SCAF8: variants seen among roughly 807,000 people sequenced by gnomAD.
The protein encoded by SCAF8 is SR-related CTD associated factor 8, also known as SR-related and CTD-associated factor 8.
Under a neutral mutation model 140.5 loss-of-function variants are expected in SCAF8, and 23 were observed. The ratio of observed to expected loss-of-function variants is 0.16; its 90% confidence interval spans 0.12 to 0.23. SCAF8 has a LOEUF of 0.23. Among genes scored for constraint, SCAF8 ranks in the 10% least tolerant of loss-of-function variants. The pLI is 1.00. For missense variants in SCAF8, 1,397 were observed against 1,555.7 expected, an observed-to-expected ratio of 0.90 and a Z score of 1.72; for synonymous variants, 575 against 528.9, an observed-to-expected ratio of 1.09 and a Z score of -1.20.
At chr6:154,796,879 G>A (rs1777623502) in intron 6 of SCAF8, among the ~76,000 whole-genome samples, 1 of 152,016 alleles carries the variant, frequency 6.6e-6, no homozygotes, top group Non-Finnish European at 1.5e-5. Context: ...GGCTGAGGCA[G>A]GAGAATCGCT....
rs995287655 is a variant in SCAF8, at chr6:154,792,916, C to T, written c.415C>T (p.Pro139Ser). The stretch of plus-strand genomic sequence containing the variant: ...CCTTTTGGATATGGCAGCCGGGATT[C>T]CGCCTCCAGTTGTCACACCTGTTTT... ...QPLLDMAAGI[P>S]PPVVTPVLAS... Residue 139 changes from proline (P) to serine (S), a missense_variant, in exon 5 of 20, where the codon CCG becomes TCG. Transcript: ENST00000367178. 1 of 1,613,858 alleles carries T rather than the reference C, an allele frequency of 6.2e-7. No homozygotes were observed. The highest frequency in any genetic ancestry group is 1.7e-5 in the Admixed American group (1 of 59,990).
In SCAF8 at chr6:154,832,496, G is replaced by C. The variant is rs1288483133; in HGVS notation, c.2917G>C (p.Gly973Arg). ...ACCACCCCGTGGACCTTTTCCTCCA[G>C]GAGATATTTTTAGTCAACCAGAAAG... ...HPPPRGPFPPGDIFSQPERPF... is the reference protein window; with the variant it reads ...HPPPRGPFPPRDIFSQPERPF... The change falls in exon 20 of 20, where the codon GGA becomes CGA. Residue 973 changes from glycine (G) to arginine (R), a missense_variant. Around this residue, in one of 5 missense-constraint regions of SCAF8, gnomAD observed 930 missense variants for 874.6 expected, o/e 1.06. Transcript: ENST00000367178. The C allele has an allele frequency of 6.2e-7, 1 of 1,613,866 alleles. No homozygotes were observed. Among genetic ancestry groups the C allele is most frequent in the Admixed American group, 1.7e-5 (1 of 59,956 alleles).
At chr6:154,760,284 ACT>A (rs1583010065) in intron 1 of SCAF8, among the ~76,000 whole-genome samples, 1 of 152,034 alleles carries the variant, frequency 6.6e-6, no homozygotes. Flanking sequence ...ACAGAGCAAG[ACT>A]CTGTCTCTAA....
At chr6:154,736,552 G>A (rs555687689) in intron 1 of SCAF8, among the ~76,000 whole-genome samples, 2 of 152,132 alleles carry the variant, frequency 1.3e-5, no homozygotes, top group South Asian at 2.1e-4. Context: ...GATTACAGGC[G>A]TGAGCCACTG....
intron 16 of SCAF8, among the ~76,000 whole-genome samples, chr6:154,823,950 A>G (rs540844767): frequency 6.6e-6 from 1 of 152,336 alleles, no homozygotes; most frequent in African/African-American, 2.4e-5. Context: ...ATGGCAGTTT[A>G]AAATGGAGCA....
In SCAF8 at chr6:154,795,064, G is replaced by A. The variant is rs756859631; in HGVS notation, c.531G>A (p.Pro177=). The A allele has an allele frequency of 9.9e-5, 160 of 1,613,192 alleles. No homozygotes were observed. The highest frequency in any genetic ancestry group is 1.6e-4 in the Middle Eastern group (1 of 6,080). Residue 177 remains proline, a synonymous_variant, in exon 6 of 20, where the codon CCG becomes CCA. Transcript: ENST00000367178. ...PANVVQGLPD[P]WVSQITNTDT... is the part of the protein sequence containing the mutation. The stretch of plus-strand genomic sequence containing the variant: ...ATGTGGTCCAAGGCTTACCTGATCC[G>A]TGGGTATCTCAGATAACAAATACAG...
rs1778813898 is a variant in SCAF8 at position 154,833,511 on chromosome 6, T to C, written c.*116T>C. The C allele has an allele frequency of 1.1e-6, 1 of 919,854 alleles. No homozygotes were observed. The highest frequency in any genetic ancestry group is 1.6e-6 in the Non-Finnish European group (1 of 610,350). 57.0% of individuals were successfully genotyped at this position (919,854 alleles called of 1,614,324 possible). On this transcript the variant is annotated 3_prime_UTR_variant, in exon 20 of 20. Transcript: ENST00000367178. ...GTCTGCCAGAATTAAGTTAATCTGA[T>C]GTTCATGTTCACCTTTCTCTTAAAA...
At chr6:154,780,488 A>G (rs1373354435) in intron 3 of SCAF8, among the ~76,000 whole-genome samples, 2 of 151,654 alleles carry the variant, frequency 1.3e-5, no homozygotes, top group African/African-American at 4.9e-5. Context: ...AGCCCCACAT[A>G]CATTAGCTAT....
chr6:154,823,603 A>T (rs1383178441), intron 16 of SCAF8, among the ~76,000 whole-genome samples: 6 of 152,246 alleles, frequency 3.9e-5, no homozygotes, highest in Admixed American at 2.6e-4. Context: ...AATTGGAAAG[A>T]TAGAGTTACC....
chr6:154,740,602 ATTTTCTTTTTCT>A lies in SCAF8; in HGVS notation c.30+6689_30+6700del, dbSNP rs771817630. Among the ~76,000 whole-genome samples the A allele has an allele frequency of 7.0e-4, 102 of 146,612 alleles. 5 individuals are homozygous for A. In the South Asian group the frequency reaches 0.017, roughly 25 times the overall value. ...TATACAGTATATATGTGAAGTAAAG[ATTTTCTTTTTCT>A]TTTTCTTTTTCTTTTTTTTTTTTTT... On this transcript the variant is annotated intron_variant, in intron 1 of 19. Coordinates refer to ENST00000367178, the MANE Select transcript of SCAF8 (RefSeq NM_014892.5).
chr6:154,789,509 T>A (rs890162166), intron 4 of SCAF8, among the ~76,000 whole-genome samples: 6 of 152,020 alleles, frequency 3.9e-5, no homozygotes, highest in African/African-American at 1.4e-4. Flanking sequence ...ACCTTAGTAC[T>A]TTAATAATTC....
At chr6:154,806,608 G>C (rs1487736840) in intron 9 of SCAF8, among the ~76,000 whole-genome samples, 2 of 152,140 alleles carry the variant, frequency 1.3e-5, no homozygotes, top group Admixed American at 6.6e-5. Flanking sequence ...GAGCATGGAG[G>C]GGGGAACAGT....
In SCAF8 at chr6:154,783,310, T is replaced by C. The variant is rs138761546; in HGVS notation, c.160-4551T>C. 7.3e-4 allele frequency among the ~76,000 whole-genome samples: 111 copies of C among 152,178 alleles called. No homozygotes were observed. The East Asian group carries it at 0.015, about 20-fold the overall frequency. The stretch of plus-strand genomic sequence containing the variant: ...GATCGAATATTATCATTCAGAACTA[T>C]TTATTTTGATAAAATCTAGATGCTT... On this transcript the variant is annotated intron_variant, in intron 3 of 19. Coordinates refer to ENST00000367178, the MANE Select transcript of SCAF8 (RefSeq NM_014892.5).
chr6:154,753,984 C>T lies in SCAF8; in HGVS notation c.31-20005C>T, dbSNP rs369205168. ...TCCCAAAGTGTTGGAATTATAGGCG[C>T]GAGCCACTGTGCCTGGTCTCCATAT... On this transcript the variant is annotated intron_variant, in intron 1 of 19. Coordinates refer to ENST00000367178, the MANE Select transcript of SCAF8 (RefSeq NM_014892.5). Among the ~76,000 whole-genome samples the T allele has an allele frequency of 3.9e-3, 596 of 152,056 alleles. 2 individuals are homozygous for T. Among genetic ancestry groups the T allele is most frequent in the Admixed American group, 8.2e-3 (125 of 15,298 alleles).
At chr6:154,826,029 T>C (rs1003338285) in intron 17 of SCAF8, among the ~76,000 whole-genome samples, 4 of 152,080 alleles carry the variant, frequency 2.6e-5, no homozygotes, top group Non-Finnish European at 5.9e-5. Flanking sequence ...GTATGTTGAC[T>C]TCTGTAACTT....
intron 1 of SCAF8, among the ~76,000 whole-genome samples, chr6:154,768,247 T>A (rs899531751): frequency 6.6e-6 from 1 of 152,218 alleles, no homozygotes; most frequent in African/African-American, 2.4e-5. Flanking sequence ...AGCGCTTTTC[T>A]TTTAATGTCA....
At chr6:154,809,041 A>T (rs938637018) in intron 11 of SCAF8, among the ~76,000 whole-genome samples, 26 of 152,146 alleles carry the variant, frequency 1.7e-4, no homozygotes, top group African/African-American at 4.6e-4. Context: ...ATTTTGAATT[A>T]TATTTTATTT....
chr6:154,794,865 A>ATT, intron 5 of SCAF8, 144 bp from the exon 6 acceptor site: 1 of 572,142 alleles, frequency 1.7e-6, no homozygotes, highest in Non-Finnish European at 2.8e-6. Context: ...ATTTTAAGTG[A>ATT]TTTTTTCAAA....
At chr6:154,777,769 T>C (rs895664394) in intron 2 of SCAF8, among the ~76,000 whole-genome samples, 6 of 152,230 alleles carry the variant, frequency 3.9e-5, no homozygotes, top group Non-Finnish European at 8.8e-5. Context: ...TGTGGTAAGG[T>C]AATGCACTTT....
Sources: gnomAD v4.1 joint callset for allele counts (sites outside exome capture counted in the v4.1 genomes callset) on GRCh38, gnomAD v4.1.1 for gene constraint, gnomAD v4.1.1 regional missense constraint, MANE v1.5 for transcripts, NCBI Gene and HGNC (gene_info 2026-07-23, HGNC 2026-07-21) for gene names.